CSGALNACT1: variants seen among roughly 807,000 people sequenced by gnomAD.
The protein encoded by CSGALNACT1 is beta4GalNAcT-1.
In CSGALNACT1, 52 loss-of-function variants were observed where a neutral mutation model predicts 51.0. That is an observed-to-expected ratio of 1.02 (90% CI 0.82 to 1.29). CSGALNACT1 has a LOEUF of 1.29. Ranked by LOEUF, CSGALNACT1 falls within the 50% of genes most tolerant of loss-of-function variation. CSGALNACT1 has a pLI of 0.00. For missense variants in CSGALNACT1, 935 were observed against 679.2 expected (o/e 1.38, Z -4.19); for synonymous variants, 341 against 254.4 (o/e 1.34, Z -3.24).
chr8:19,625,427 T>C (rs2054322228), intron 1 of CSGALNACT1, among the ~76,000 whole-genome samples: 1 of 152,176 alleles, frequency 6.6e-6, no homozygotes, highest in African/African-American at 2.4e-5. Flanking sequence ...TATAAGTAAA[T>C]TAAAAAGTCA....
intron 8 of CSGALNACT1, among the ~76,000 whole-genome samples, chr8:19,413,901 C>T (rs555136211): frequency 7.9e-5 from 12 of 152,260 alleles, no homozygotes; most frequent in African/African-American, 2.9e-4. Context: ...GGAGCTGGTA[C>T]CATGTGCCAG....
intron 4 of CSGALNACT1, among the ~76,000 whole-genome samples, chr8:19,462,868 G>C (rs896434039): frequency 5.3e-5 from 8 of 151,864 alleles, no homozygotes; most frequent in Non-Finnish European, 1.2e-4. Context: ...TGTTACACAA[G>C]TAAACTGCAT....
At chr8:19,517,162 G>A (rs1028671948) in intron 3 of CSGALNACT1, among the ~76,000 whole-genome samples, 5 of 152,230 alleles carry the variant, frequency 3.3e-5, no homozygotes, top group East Asian at 1.9e-4. Flanking sequence ...AGAGGGCCAG[G>A]CATGGTGACT....
intron 1 of CSGALNACT1, among the ~76,000 whole-genome samples, chr8:19,755,798 T>G (rs1326289085): frequency 6.6e-6 from 1 of 152,202 alleles, no homozygotes; most frequent in African/African-American, 2.4e-5. Context: ...CATATAAGAT[T>G]TAGCACACAA....
chr8:19,515,915 G>C (rs189784981), intron 3 of CSGALNACT1, among the ~76,000 whole-genome samples: 2 of 152,204 alleles, frequency 1.3e-5, no homozygotes, highest in African/African-American at 4.8e-5. Context: ...CAGGACACTG[G>C]CATAAGAAGA....
At chr8:19,516,931 A>T (rs2079641384) in intron 3 of CSGALNACT1, among the ~76,000 whole-genome samples, 1 of 152,202 alleles carries the variant, frequency 6.6e-6, no homozygotes, top group African/African-American at 2.4e-5. Context: ...TGGAATCTGC[A>T]GCCACATTTA....
intron 1 of CSGALNACT1, among the ~76,000 whole-genome samples, chr8:19,650,740 C>T (rs1372712124): frequency 6.6e-6 from 1 of 152,086 alleles, no homozygotes; most frequent in African/African-American, 2.4e-5. Context: ...GGAAACAAAA[C>T]CGGTTCATTT....
chr8:19,604,010 C>G (rs115993419), upstream of CSGALNACT1, among the ~76,000 whole-genome samples: 1,382 of 152,314 alleles, frequency 9.1e-3, 14 homozygotes, highest in African/African-American at 0.031. Context: ...TTCGGAGCCA[C>G]GGCATGGCTC....
At chr8:19,610,124 T>G (rs1286675055) in intron 1 of CSGALNACT1, among the ~76,000 whole-genome samples, 1 of 151,078 alleles carries the variant, frequency 6.6e-6, no homozygotes, top group African/African-American at 2.5e-5. Context: ...ACCCCGTCTC[T>G]ACTAAAAATA....
chr8:19,599,468 AAGAAAAAGAAAG>A (rs1343047359), intron 2 of CSGALNACT1, among the ~76,000 whole-genome samples: 4 of 108,476 alleles, frequency 3.7e-5, no homozygotes, highest in African/African-American at 1.6e-4. Context: ...GAAAGAAAGA[AAGAAAAAGAAAG>A]AAAGAAAGAA....
At chr8:19,578,843 C>G (rs1420023211) in intron 3 of CSGALNACT1, among the ~76,000 whole-genome samples, 1 of 152,120 alleles carries the variant, frequency 6.6e-6, no homozygotes, top group Non-Finnish European at 1.5e-5. Flanking sequence ...ATTTTTGAGT[C>G]TTCATCCTAT....
At chr8:19,674,584 C>G (rs11785951) in intron 1 of CSGALNACT1, among the ~76,000 whole-genome samples, 80,577 of 151,838 alleles carry the variant, frequency 0.53, 21,860 homozygotes, top group Middle Eastern at 0.6. Flanking sequence ...ACCCTACCAC[C>G]GCAGAAGTCA....
rs2065476841 is a variant in CSGALNACT1, at chr8:19,757,543, TCG to T, written c.-297+305_-297+306del. Among the ~76,000 whole-genome samples, 1 of 152,068 alleles carries T rather than the reference TCG, an allele frequency of 6.6e-6. No individual in the cohort carries two copies. The highest frequency in any genetic ancestry group is 2.4e-5 in the African/African-American group (1 of 41,444). On this transcript the variant is annotated intron_variant, in intron 1 of 1. Coordinates refer to the CSGALNACT1 transcript ENST00000517494. The surrounding 1 kb of genome is among the most constrained non-coding windows in gnomAD (Gnocchi z 4.0). ...CTGTCACTCTCGGAAGGGGCCGCGC[TCG>T]GACACCAGGGGCGGTTTACGCGTGA...
chr8:19,536,036 A>G (rs1460354038), intron 3 of CSGALNACT1, among the ~76,000 whole-genome samples: 12 of 152,324 alleles, frequency 7.9e-5, no homozygotes, highest in Admixed American at 6.5e-4. Flanking sequence ...AAAACTGTCC[A>G]TTTTTGCAGA....
At chr8:19,457,216 C>T (rs1014940760) in intron 5 of CSGALNACT1, among the ~76,000 whole-genome samples, 2 of 152,166 alleles carry the variant, frequency 1.3e-5, no homozygotes, top group Admixed American at 1.3e-4. Flanking sequence ...GTGGGTTATC[C>T]TTTAAATTCA....
intron 3 of CSGALNACT1, among the ~76,000 whole-genome samples, chr8:19,534,871 G>A (rs549083833): frequency 6.6e-6 from 1 of 152,286 alleles, no homozygotes; most frequent in South Asian, 2.1e-4. Context: ...AATCCAAACA[G>A]CCTTGGTGAT....
Position 19,665,403 on chromosome 8 carries a change from T to C in CSGALNACT1, c.-544+17070A>G, listed in dbSNP as rs374150525. Among the ~76,000 whole-genome samples the C allele has an allele frequency of 1.3e-4, 20 of 152,300 alleles. No homozygotes were observed. In the East Asian group the frequency reaches 3.5e-3, roughly 26 times the overall value. ...TTAAGTGGTTACAAATGTCTGTTTA[T>C]GAACAGCTTGCTTCCTAAGATAACG... On this transcript the variant is annotated intron_variant, in intron 1 of 9. Coordinates refer to the CSGALNACT1 transcript ENST00000332246.
intron 2 of CSGALNACT1, among the ~76,000 whole-genome samples, chr8:19,601,081 T>G (rs2050321187): frequency 6.6e-6 from 1 of 152,212 alleles, no homozygotes; most frequent in Non-Finnish European, 1.5e-5. Context: ...TGTTTTATTT[T>G]GTATTTTTTA....
At chr8:19,681,876 T>C (rs1240713746) in intron 1 of CSGALNACT1, among the ~76,000 whole-genome samples, 1 of 152,200 alleles carries the variant, frequency 6.6e-6, no homozygotes, top group African/African-American at 2.4e-5. Flanking sequence ...CATGTTCACC[T>C]GGACACCACC....
Sources: gnomAD v4.1 joint callset for allele counts (sites outside exome capture counted in the v4.1 genomes callset) on GRCh38, gnomAD v4.1.1 for gene constraint, Gnocchi (gnomAD v3.1) non-coding constraint, MANE v1.5 for transcripts, NCBI Gene and HGNC (gene_info 2026-07-23, HGNC 2026-07-21) for gene names.